Variants in CCNY observed in about 807,000 individuals in gnomAD.
CCNY encodes the protein cyclin Y, also known as cyclin-Y.
CCNY carries 19 observed loss-of-function variants against 42.8 expected under a neutral mutation model. That is an observed-to-expected ratio of 0.44 (90% CI 0.31 to 0.65). The LOEUF (loss-of-function observed/expected upper bound fraction) is 0.65. CCNY is among the 30% of genes least tolerant of loss of function. The pLI is 0.07. For missense variants in CCNY, 370 were observed against 437.3 expected, an observed-to-expected ratio of 0.85 and a Z score of 1.37; for synonymous variants, 165 against 162.7, an observed-to-expected ratio of 1.01 and a Z score of -0.11.
intron 1 of CCNY, among the ~76,000 whole-genome samples, chr10:35,364,070 A>C (rs1836758446): frequency 6.6e-6 from 1 of 152,214 alleles, no homozygotes; most frequent in African/African-American, 2.4e-5. Context: ...CAGTAATGGA[A>C]AAAGATCTGA....
chr10:35,421,562 A>G (rs543263503), intron 1 of CCNY, among the ~76,000 whole-genome samples: 1 of 152,262 alleles, frequency 6.6e-6, no homozygotes, highest in Non-Finnish European at 1.5e-5. Flanking sequence ...TTCATTTGGT[A>G]TTTAGAAGCG....
chr10:35,472,568 G>A (rs1034162708), intron 1 of CCNY, among the ~76,000 whole-genome samples: 1 of 152,078 alleles, frequency 6.6e-6, no homozygotes. Flanking sequence ...GCATTACTTA[G>A]TACCTAGTAG....
At chr10:35,400,740 C>A (rs1486740000) in intron 1 of CCNY, among the ~76,000 whole-genome samples, 2 of 152,120 alleles carry the variant, frequency 1.3e-5, no homozygotes, top group East Asian at 3.9e-4. Flanking sequence ...GTTTTCTCCT[C>A]CCCCGGGATT....
intron 3 of CCNY, among the ~76,000 whole-genome samples, chr10:35,294,039 C>T (rs1589021003): frequency 6.6e-6 from 1 of 152,184 alleles, no homozygotes; most frequent in Non-Finnish European, 1.5e-5. Flanking sequence ...ATCTGCCCAT[C>T]CCAGCCTGCC....
chr10:35,372,692 C>G (rs1292797278), intron 1 of CCNY, among the ~76,000 whole-genome samples: 3 of 152,152 alleles, frequency 2.0e-5, no homozygotes, highest in Non-Finnish European at 2.9e-5. Flanking sequence ...TAGAGAGCTA[C>G]TGCTTACAGT....
At chr10:35,295,995 A>G (rs2135068142) in intron 3 of CCNY, among the ~76,000 whole-genome samples, 1 of 152,350 alleles carries the variant, frequency 6.6e-6, no homozygotes, top group South Asian at 2.1e-4. Flanking sequence ...AAGATACAGC[A>G]TATCAGACTC....
chr10:35,421,170 A>G (rs1179943360), intron 1 of CCNY, among the ~76,000 whole-genome samples: 1 of 152,186 alleles, frequency 6.6e-6, no homozygotes, highest in Admixed American at 6.5e-5. Context: ...GCTTCTGGAG[A>G]AGCCCACTCA....
At chr10:35,281,467 T>C (rs932302860) in intron 3 of CCNY, among the ~76,000 whole-genome samples, 3 of 150,762 alleles carry the variant, frequency 2.0e-5, no homozygotes, top group Non-Finnish European at 3.0e-5. Context: ...GCCCAGCTAA[T>C]TTTTTTTTGT....
chr10:35,309,739 A>G (rs1040216878), intron 3 of CCNY, among the ~76,000 whole-genome samples: 4 of 151,756 alleles, frequency 2.6e-5, no homozygotes, highest in African/African-American at 9.7e-5. Context: ...TTTGTTAAAA[A>G]CTAATTTTTT....
rs115402114 is a variant in CCNY, at chr10:35,348,991, T to G, written c.154+11784T>G. Among the ~76,000 whole-genome samples the G allele has an allele frequency of 6.8e-3, 1,032 of 152,156 alleles. 11 individuals are homozygous for G. The highest frequency in any genetic ancestry group is 0.024 in the African/African-American group (986 of 41,516). ...CCTTGAACAACACTAACTTGAACTGTGCGGGTACACTTCCATGTGAATTTT... is the reference window on the plus strand; with the variant it reads ...CCTTGAACAACACTAACTTGAACTGGGCGGGTACACTTCCATGTGAATTTT... On this transcript the variant is annotated intron_variant, in intron 1 of 9. Coordinates refer to ENST00000374704, the MANE Select transcript of CCNY (RefSeq NM_145012.6).
intron 1 of CCNY, among the ~76,000 whole-genome samples, chr10:35,382,729 C>T (rs779865887): frequency 1.2e-4 from 18 of 152,116 alleles, no homozygotes; most frequent in Non-Finnish European, 2.6e-4. Context: ...CTTGCATGGC[C>T]GGCTTCTTCA....
chr10:35,247,931 G>GA (rs142936994), intron 1 of CCNY, among the ~76,000 whole-genome samples: 5,188 of 140,416 alleles, frequency 0.037, 217 homozygotes, highest in African/African-American at 0.1. Context: ...ATAAATAAAT[G>GA]AAAAAAAAAA....
chr10:35,252,280 T>C (rs965127580), intron 3 of CCNY, among the ~76,000 whole-genome samples: 1 of 152,048 alleles, frequency 6.6e-6, no homozygotes. Context: ...TATGAGAATA[T>C]CCTGGCCGGG....
At position 35,474,069 on chromosome 10, in the gene CCNY, G is replaced by T. The variant is rs187887533; in HGVS notation, c.155-9335G>T. ...CTGGAAAATCGGGTCATTCCCACCC[G>T]AATACTGCGCTTTTCCAACGGGCTT... On this transcript the variant is annotated intron_variant, in intron 1 of 9. Transcript: ENST00000374704. Among the ~76,000 whole-genome samples the T allele has an allele frequency of 5.4e-3, 822 of 152,328 alleles. 10 individuals carry two copies. The highest frequency in any genetic ancestry group is 0.019 in the African/African-American group (782 of 41,574).
At chr10:35,310,263 T>C (rs1288000457) in intron 3 of CCNY, among the ~76,000 whole-genome samples, 18 of 152,270 alleles carry the variant, frequency 1.2e-4, no homozygotes, top group Admixed American at 1.2e-3. Flanking sequence ...GATTTCATCT[T>C]TTATGGCTGA....
chr10:35,518,819 A>C (rs1198682205), intron 4 of CCNY, among the ~76,000 whole-genome samples: 1 of 129,022 alleles, frequency 7.8e-6, no homozygotes, highest in Admixed American at 7.5e-5. Flanking sequence ...TTTTTAACAG[A>C]TCTTGATTGA....
chr10:35,351,819 A>G (rs1320790068), intron 1 of CCNY, among the ~76,000 whole-genome samples: 5 of 152,202 alleles, frequency 3.3e-5, no homozygotes, highest in Non-Finnish European at 2.9e-5. Flanking sequence ...GAGAGTATTT[A>G]TAATAAGCCT....
chr10:35,375,836 G>A (rs1469685035), intron 1 of CCNY, among the ~76,000 whole-genome samples: 1 of 152,182 alleles, frequency 6.6e-6, no homozygotes, highest in Non-Finnish European at 1.5e-5. Context: ...GACCTGACAG[G>A]TGTGTGGAAG....
intron 1 of CCNY, among the ~76,000 whole-genome samples, chr10:35,374,397 C>T (rs1207695827): frequency 6.6e-6 from 1 of 152,122 alleles, no homozygotes; most frequent in Non-Finnish European, 1.5e-5. Flanking sequence ...CTTGACAAAC[C>T]AATATAAATG....
Sources: allele counts gnomAD v4.1 joint callset (sites outside exome capture counted in the v4.1 genomes callset), GRCh38; gene constraint gnomAD v4.1.1; transcripts MANE v1.5; gene names NCBI Gene and HGNC (gene_info 2026-07-23, HGNC 2026-07-21).